UGT1A6: variants seen among roughly 807,000 people sequenced by gnomAD.
UGT1A6 encodes UDP-glucuronosyltransferase 1A6.
UGT1A6 carries 32 observed loss-of-function variants against 44.4 expected under a neutral mutation model. The observed-to-expected ratio is 0.72, with a 90% CI of 0.54 to 0.97. The LOEUF is 0.97. Ranked by LOEUF, UGT1A6 falls within the 50% of genes least tolerant of loss-of-function variation. UGT1A6 has a pLI of 0.00. For synonymous variants in UGT1A6, 238 were observed against 248.5 expected, an observed-to-expected ratio of 0.96 and a Z score of 0.40; for missense variants, 685 against 661.9, an observed-to-expected ratio of 1.03 and a Z score of -0.38.
chr2:233,754,484 A>G (rs1052764550), intron 1 of UGT1A6: 3 of 358,432 alleles, frequency 8.4e-6, no homozygotes, highest in African/African-American at 2.1e-5. Context: ...TTCACTTTCA[A>G]TCCTAAAAAA....
At chr2:233,724,757 G>A (rs2077306288) in intron 1 of UGT1A6, among the ~76,000 whole-genome samples, 1 of 143,864 alleles carries the variant, frequency 7.0e-6, no homozygotes, top group Non-Finnish European at 1.5e-5. Context: ...CCAGACGATG[G>A]GCGGCCAGGC....
At chr2:233,737,138 G>A (rs1186912259) in intron 1 of UGT1A6, among the ~76,000 whole-genome samples, 2 of 152,230 alleles carry the variant, frequency 1.3e-5, no homozygotes, top group African/African-American at 4.8e-5. Flanking sequence ...GCTGCCTTTT[G>A]TTCAGATATG....
At chr2:233,702,200 C>T (rs1204351976) in intron 1 of UGT1A6, among the ~76,000 whole-genome samples, 1 of 152,172 alleles carries the variant, frequency 6.6e-6, no homozygotes. Flanking sequence ...CCCTGGCAGC[C>T]ATTAATCAAC....
At chr2:233,705,688 T>C (rs947769375) in intron 1 of UGT1A6, among the ~76,000 whole-genome samples, 1 of 152,234 alleles carries the variant, frequency 6.6e-6, no homozygotes, top group Non-Finnish European at 1.5e-5. Context: ...TCACAACGAC[T>C]GGTATAAAAA....
intron 1 of UGT1A6, among the ~76,000 whole-genome samples, chr2:233,707,965 A>G (rs1249490903): frequency 6.6e-6 from 1 of 152,186 alleles, no homozygotes; most frequent in Non-Finnish European, 1.5e-5. Flanking sequence ...TGCCCATTCA[A>G]GTCTATTGCC....
chr2:233,724,303 C>T (rs1272665278), intron 1 of UGT1A6, among the ~76,000 whole-genome samples: 6 of 139,774 alleles, frequency 4.3e-5, no homozygotes, highest in South Asian at 2.5e-4. Flanking sequence ...CCCCCCACCT[C>T]CCTCCCGGAC....
Position 233,768,377 on chromosome 2 carries a change from T to A in UGT1A6, c.1239T>A (p.Asn413Lys), listed in dbSNP as rs763012065. The change falls in exon 4 of 5, where the codon AAT (asparagine) becomes AAA (lysine). Residue 413 changes from asparagine (N) to lysine (K), a missense_variant. Asn to Lys is a moderately conservative substitution (Grantham distance 94). Transcript: ENST00000305139. The part of the protein sequence containing the change: ...METKGAGVTL[N>K]VLEMTSEDLE... ...CTAAGGGAGCTGGAGTGACCCTGAA[T>A]GTTCTGGAAATGACTTCTGAAGATT... 1 of 1,614,172 alleles carries A rather than the reference T, an allele frequency of 6.2e-7. No individual in the cohort carries two copies. The highest frequency in any genetic ancestry group is 8.5e-7 in the Non-Finnish European group (1 of 1,180,050).
intron 1 of UGT1A6, among the ~76,000 whole-genome samples, chr2:233,733,899 C>T (rs563890237): frequency 6.6e-6 from 1 of 151,930 alleles, no homozygotes; most frequent in Non-Finnish European, 1.5e-5. Flanking sequence ...CCTGTTTGTA[C>T]CTCTCTGGTA....
chr2:233,701,576 T>C (rs955691834), intron 1 of UGT1A6, among the ~76,000 whole-genome samples: 6 of 152,220 alleles, frequency 3.9e-5, no homozygotes, highest in East Asian at 1.9e-4. Context: ...TACTCCAAAA[T>C]TGACCACATA....
At chr2:233,695,044 T>C (rs545239838) in intron 1 of UGT1A6, among the ~76,000 whole-genome samples, 1 of 152,338 alleles carries the variant, frequency 6.6e-6, no homozygotes, top group African/African-American at 2.4e-5. Context: ...TTGTTAACCA[T>C]AGTCACCCTA....
At position 233,765,423 on chromosome 2, in the gene UGT1A6, G is replaced by A. The variant is rs181881481; in HGVS notation, c.862-1611G>A. Among the ~76,000 whole-genome samples, 139 of 152,286 alleles carry A rather than the reference G, an allele frequency of 9.1e-4. 2 individuals carry two copies. Among genetic ancestry groups the A allele is most frequent in the Non-Finnish European group, 1.8e-3 (124 of 68,036 alleles). On this transcript the variant is annotated intron_variant, in intron 1 of 4. Coordinates refer to ENST00000305139, the MANE Select transcript of UGT1A6 (RefSeq NM_001072.4). ...CATATACACCATGGAATACTATGCA[G>A]CCATAACAAGGAATGAGATCATATT...
chr2:233,755,241 A>G (rs535521102), intron 1 of UGT1A6: 33 of 865,204 alleles, frequency 3.8e-5, no homozygotes, highest in Non-Finnish European at 5.6e-5. Context: ...CTACCGGGGT[A>G]CTCCCAGCAC....
intron 1 of UGT1A6, among the ~76,000 whole-genome samples, chr2:233,727,296 G>A (rs1359558344): frequency 1.3e-5 from 2 of 152,036 alleles, no homozygotes; most frequent in Non-Finnish European, 2.9e-5. Context: ...TGATGACTTG[G>A]GCAGCTCCTT....
At chr2:233,758,574 A>G (rs1051442664) in intron 1 of UGT1A6, among the ~76,000 whole-genome samples, 1 of 152,190 alleles carries the variant, frequency 6.6e-6, no homozygotes, top group Non-Finnish European at 1.5e-5. Flanking sequence ...CTAAAAAATG[A>G]AGAGTGTTTG....
intron 1 of UGT1A6, among the ~76,000 whole-genome samples, chr2:233,706,927 T>G (rs2075931313): frequency 6.6e-6 from 1 of 152,158 alleles, no homozygotes; most frequent in African/African-American, 2.4e-5. Context: ...AGTATGAGTC[T>G]GGTGAGATGG....
chr2:233,767,880 C>G lies in UGT1A6; in HGVS notation c.1025C>G (p.Ser342Trp), dbSNP rs144978321. Reference sequence around the variant, plus strand: ...TGGCGGTACACTGGAACCCGACCATCGAATCTTGCGAACAACACGATACTT... The same window carrying G: ...TGGCGGTACACTGGAACCCGACCATGGAATCTTGCGAACAACACGATACTT... Reference protein sequence around the residue: ...VLWRYTGTRPSNLANNTILVK... With the variant: ...VLWRYTGTRPWNLANNTILVK... Residue 342 changes from serine to tryptophan, a missense_variant, in exon 3 of 5, where the codon TCG becomes TGG. By Grantham distance (177) the Ser-to-Trp change is radical. Transcript: ENST00000305139. 6.2e-7 allele frequency: 1 copy of G among 1,614,168 alleles called. No individual in the cohort carries two copies. The highest frequency in any genetic ancestry group is 1.7e-5 in the Admixed American group (1 of 60,018).
intron 1 of UGT1A6, chr2:233,719,514 G>A: frequency 6.2e-7 from 1 of 1,613,922 alleles, no homozygotes; most frequent in Non-Finnish European, 8.5e-7. Context: ...TGCCCCTTAT[G>A]CAAGTCTTGC....
intron 1 of UGT1A6, among the ~76,000 whole-genome samples, chr2:233,731,847 G>C (rs1360054279): frequency 1.3e-4 from 20 of 152,190 alleles, no homozygotes; most frequent in Non-Finnish European, 7.3e-5. Flanking sequence ...CTAGGTCCTT[G>C]AGGAATCGCC....
chr2:233,761,029 T>C (rs769198771), intron 1 of UGT1A6: 2 of 1,614,178 alleles, frequency 1.2e-6, no homozygotes, highest in East Asian at 2.2e-5. Context: ...CCAGGACCTA[T>C]TGAGCTCTGC....
Sources: allele counts gnomAD v4.1 joint callset (sites outside exome capture counted in the v4.1 genomes callset), GRCh38; gene constraint gnomAD v4.1.1; transcripts MANE v1.5; gene names NCBI Gene and HGNC (gene_info 2026-07-23, HGNC 2026-07-21).